Variants in MPDZ observed in about 807,000 individuals in gnomAD.
MPDZ encodes multiple PDZ domain protein.
A neutral mutation model predicts 239.1 loss-of-function variants in MPDZ; 234 were observed. The observed-to-expected ratio is 0.98, with a 90% CI of 0.88 to 1.09. The LOEUF (loss-of-function observed/expected upper bound fraction) is 1.09. Ranked by LOEUF, MPDZ falls within the 50% of genes least tolerant of loss-of-function variation. MPDZ has a pLI of 0.00. For missense variants in MPDZ, 3,175 were observed against 2,510.0 expected, an observed-to-expected ratio of 1.26 and a Z score of -5.66; for synonymous variants, 1,048 against 881.3, an observed-to-expected ratio of 1.19 and a Z score of -3.35.
intron 1 of MPDZ, among the ~76,000 whole-genome samples, chr9:13,261,007 C>T (rs958449125): frequency 3.3e-5 from 5 of 152,100 alleles, no homozygotes; most frequent in African/African-American, 1.2e-4. Context: ...GGCTGGGCTC[C>T]CTAATTCAAG....
rs780514668 is a variant in MPDZ, at chr9:13,176,225, T to C, written c.2842A>G (p.Asn948Asp). 6.2e-7 allele frequency: 1 copy of C among 1,604,628 alleles called. No individual in the cohort carries two copies. The change falls in exon 20 of 47, where the codon AAC becomes GAC. Residue 948 changes from asparagine to aspartate, a missense_variant. Transcript: ENST00000319217. ...NAIEQQYECE[N>D]TIVWTESHLP... is the part of the protein sequence containing the mutation. The stretch of plus-strand genomic sequence containing the variant: ...TGAGATTCAGTCCACACTATTGTGT[T>C]TTCACATTCATATTGTTGTTCAATA...
Position 13,205,929 on chromosome 9 carries a change from G to A in MPDZ, c.1461C>T (p.Ala487=), listed in dbSNP as rs758757478. Residue 487 remains alanine (A), a synonymous_variant, in exon 11 of 47, where the codon GCC becomes GCT. Transcript: ENST00000319217. ...ACATAGGATTACCTTTGATTATGCT[G>A]GCATTAACAGGAGACAAATCTGCAT... is the stretch of plus-strand genomic sequence containing the variant. The part of the protein sequence containing the change: ...TKDADLSPVN[A]SIIKENYEKD... The A allele has an allele frequency of 5.0e-6, 8 of 1,600,554 alleles. No individual in the cohort carries two copies. Among genetic ancestry groups the A allele is most frequent in the Non-Finnish European group, 6.8e-6 (8 of 1,173,626 alleles).
Position 13,114,032 on chromosome 9 carries a change from A to G in MPDZ, c.5467-11T>C, listed in dbSNP as rs763876760. ...GCTGCCTTCACTCACCTACAAATAT[A>G]CAACAATTATTTCAGAAGGTTTTGC... On this transcript the variant is annotated splice_polypyrimidine_tract_variant and intron_variant, in intron 40 of 46. Coordinates refer to ENST00000319217, the MANE Select transcript of MPDZ (RefSeq NM_001378778.1). 1.1e-5 allele frequency: 17 copies of G among 1,573,962 alleles called. No homozygotes were observed. In the Admixed American group the frequency reaches 2.7e-4, roughly 25 times the overall value.
chr9:13,190,087 A>T (rs1954689766), intron 16 of MPDZ, 27 bp downstream of exon 16: 1 of 1,591,724 alleles, frequency 6.3e-7, no homozygotes, highest in Non-Finnish European at 8.6e-7. Context: ...AGGCCTTTAA[A>T]AATTGTTAAA....
chr9:13,121,858 C>T lies in MPDZ; in HGVS notation c.5112G>A (p.Val1704=). The change falls in exon 38 of 47, where the codon GTG becomes GTA. Residue 1704 remains valine, a synonymous_variant. Transcript: ENST00000319217. ...INVLRQTPQR[V]RLTLYRDEAP... The stretch of plus-strand genomic sequence containing the variant: ...CCTCATCTCTGTAGAGTGTCAGGCG[C>T]ACTCTCTGTGGCGTCTGTCTCAGGA... 1.9e-6 allele frequency: 3 copies of T among 1,613,920 alleles called. No homozygotes were observed. The highest frequency in any genetic ancestry group is 2.5e-6 in the Non-Finnish European group (3 of 1,179,864).
At chr9:13,265,816 G>T (rs1185592342) in intron 1 of MPDZ, among the ~76,000 whole-genome samples, 1 of 152,134 alleles carries the variant, frequency 6.6e-6, no homozygotes, top group Non-Finnish European at 1.5e-5. Context: ...CTCCTCAGGG[G>T]AAAGTGTTAA....
chr9:13,233,343 G>C (rs958354603), intron 3 of MPDZ, among the ~76,000 whole-genome samples: 5 of 151,998 alleles, frequency 3.3e-5, no homozygotes, highest in African/African-American at 1.2e-4. Context: ...AAATGAAAAA[G>C]AACTACTACT....
In MPDZ at chr9:13,247,705, G is replaced by GT. The variant is rs1294049958; in HGVS notation, c.112_113insA (p.Ser38TyrfsTer36). On this transcript the variant is annotated frameshift_variant, in exon 3 of 47. Transcript: ENST00000319217. LOFTEE classifies it high-confidence loss of function. Reference sequence around the variant, plus strand: ...ACTGAAGAGAGGGCTCTGCAGGACTGACTTCAGAAGGCTCAGTTTGTCTTC... The same window carrying GT: ...ACTGAAGAGAGGGCTCTGCAGGACTGTACTTCAGAAGGCTCAGTTTGTCTTC... The GT allele has an allele frequency of 6.2e-7, 1 of 1,613,590 alleles. No individual in the cohort carries two copies. Among genetic ancestry groups the GT allele is most frequent in the South Asian group, 1.1e-5 (1 of 91,054 alleles).
chr9:13,117,816 G>A (rs1013714888), intron 39 of MPDZ, among the ~76,000 whole-genome samples: 7 of 151,220 alleles, frequency 4.6e-5, no homozygotes, highest in African/African-American at 1.5e-4. Context: ...AAATATTTAT[G>A]GTGTTCATTA....
intron 3 of MPDZ, among the ~76,000 whole-genome samples, chr9:13,235,511 G>C (rs1963709235): frequency 6.6e-6 from 1 of 152,138 alleles, no homozygotes; most frequent in Non-Finnish European, 1.5e-5. Context: ...ACTAGGCTTA[G>C]TTCACTCAGA....
At chr9:13,270,536 C>A (rs186045564) in intron 1 of MPDZ, among the ~76,000 whole-genome samples, 344 of 150,180 alleles carry the variant, frequency 2.3e-3, no homozygotes, top group African/African-American at 7.9e-3. Flanking sequence ...GGGTAAAAGA[C>A]ATGGCATATT....
At chr9:13,140,560 T>C (rs1345630655) in intron 27 of MPDZ, among the ~76,000 whole-genome samples, 1 of 151,024 alleles carries the variant, frequency 6.6e-6, no homozygotes, top group Non-Finnish European at 1.5e-5. Context: ...AAAGTTTAAA[T>C]ATATCAAACC....
intron 22 of MPDZ, among the ~76,000 whole-genome samples, chr9:13,168,146 T>C (rs1020900290): frequency 3.9e-5 from 6 of 152,052 alleles, no homozygotes; most frequent in African/African-American, 1.2e-4. Flanking sequence ...TAATTAAAAA[T>C]ACAAAGCAAC....
chr9:13,204,914 A>G (rs1587772271), intron 12 of MPDZ, 122 bp downstream of exon 12: 12 of 545,762 alleles, frequency 2.2e-5, no homozygotes, highest in African/African-American at 4.0e-5. Context: ...TACAAACTTC[A>G]CTTTTTGAAA....
intron 36 of MPDZ, 94 bp from the exon 37 acceptor site, chr9:13,122,264 A>G (rs1944462103): frequency 9.1e-7 from 1 of 1,093,238 alleles, no homozygotes; most frequent in African/African-American, 1.6e-5. Context: ...TTTGATAGAC[A>G]GCAATAAGGG....
At chr9:13,225,609 T>C (rs1338794717) in intron 3 of MPDZ, among the ~76,000 whole-genome samples, 2 of 151,990 alleles carry the variant, frequency 1.3e-5, no homozygotes, top group Admixed American at 6.6e-5. Context: ...ACCTTTTCTA[T>C]ATTTAGAAAC....
intron 3 of MPDZ, among the ~76,000 whole-genome samples, chr9:13,235,886 A>G (rs1055314147): frequency 6.6e-6 from 1 of 152,064 alleles, no homozygotes; most frequent in Non-Finnish European, 1.5e-5. Context: ...TAAGACTCTG[A>G]CTTTTCCCTT....
chr9:13,266,629 C>T (rs1464744205), intron 1 of MPDZ, among the ~76,000 whole-genome samples: 3 of 152,040 alleles, frequency 2.0e-5, no homozygotes, highest in Admixed American at 2.0e-4. Flanking sequence ...TTGTTAAGAC[C>T]ACATTTAATA....
intron 45 of MPDZ, 123 bp from the exon 46 acceptor site, chr9:13,109,182 T>C (rs918068756): frequency 1.1e-5 from 9 of 801,406 alleles, no homozygotes; most frequent in Middle Eastern, 4.5e-4. Flanking sequence ...ACAAGGAGTA[T>C]ATTACGGGTA....
Sources: gnomAD v4.1 joint callset for allele counts (sites outside exome capture counted in the v4.1 genomes callset) on GRCh38, gnomAD v4.1.1 for gene constraint, MANE v1.5 for transcripts, NCBI Gene and HGNC (gene_info 2026-07-23, HGNC 2026-07-21) for gene names.